Variants in ATP10A observed in about 807,000 individuals in gnomAD.
ATP10A encodes phospholipid-transporting ATPase VA.
ATP10A carries 111 observed loss-of-function variants against 147.8 expected under a neutral mutation model. The ratio of observed to expected loss-of-function variants is 0.75; its 90% CI spans 0.64 to 0.88. The LOEUF is 0.88. Ranked by LOEUF, ATP10A falls within the 40% of genes least tolerant of loss-of-function variation. ATP10A has a pLI of 0.00. For missense variants in ATP10A, 1,927 were observed against 1,959.0 expected (o/e 0.98, Z 0.31); for synonymous variants, 875 against 841.6 (o/e 1.04, Z -0.69).
chr15:25,820,086 AAAGG>A (rs1891817024), intron 1 of ATP10A, among the ~76,000 whole-genome samples: 1 of 152,174 alleles, frequency 6.6e-6, no homozygotes, highest in African/African-American at 2.4e-5. Flanking sequence ...AAACAGCACT[AAAGG>A]AAGGAATACA....
chr15:25,718,535 A>G, intron 7 of ATP10A, 136 bp from the exon 8 acceptor site: 1 of 852,214 alleles, frequency 1.2e-6, no homozygotes, highest in Non-Finnish European at 1.8e-6. Context: ...TTGCTCTCTA[A>G]TAGCAAGGCA....
downstream of ATP10A, among the ~76,000 whole-genome samples, chr15:25,675,736 C>T (rs60606735): frequency 0.21 from 32,067 of 152,120 alleles, 4,685 homozygotes; most frequent in African/African-American, 0.42. Flanking sequence ...GCTTGAGCCT[C>T]GGAGTTTGAG....
chr15:25,727,239 C>G lies in ATP10A; in HGVS notation c.768G>C (p.Gly256=). The G allele has an allele frequency of 6.2e-7, 1 of 1,614,078 alleles. No homozygotes were observed. Among genetic ancestry groups the G allele is most frequent in the South Asian group, 1.1e-5 (1 of 91,076 alleles). The change falls in exon 4 of 21, where the codon GGG becomes GGC. Residue 256 remains glycine (G), a synonymous_variant. Transcript: ENST00000555815. ...TCAGCAGCAGGTTTTCTTTATACAG[C>G]CCGGCCTTTTTCCCGTTGTCATGTA... is the stretch of plus-strand genomic sequence containing the variant. ...CIIHDNGKKA[G]LYKENLLLRG...
chr15:25,729,671 C>A (rs1265451594), intron 3 of ATP10A, among the ~76,000 whole-genome samples: 4 of 152,152 alleles, frequency 2.6e-5, no homozygotes, highest in African/African-American at 9.7e-5. Context: ...CCCCAGCCAC[C>A]CCCACACAGC....
intron 14 of ATP10A, among the ~76,000 whole-genome samples, chr15:25,692,889 C>T (rs545463984): frequency 3.9e-5 from 6 of 152,298 alleles, no homozygotes; most frequent in African/African-American, 1.4e-4. Context: ...CAGCCTCAAC[C>T]TCCTGGGCTC....
At position 25,845,876 on chromosome 15, in the gene ATP10A, GTT is replaced by G. The variant is rs1596992205; in HGVS notation, c.449+16770_449+16771del. On this transcript the variant is annotated intron_variant, in intron 1 of 20. Transcript: ENST00000555815. ...GTACCCCCATGTTCACAGCAGCACT[GTT>G]TACAACAGCCAAAAGGTGGAAGCGC... Among the ~76,000 whole-genome samples, 3 of 152,226 alleles carry G rather than the reference GTT, an allele frequency of 2.0e-5. No individual in the cohort carries two copies. The East Asian group carries it at 5.8e-4, about 29-fold the overall frequency.
chr15:25,849,330 C>G (rs1205213086), intron 1 of ATP10A, among the ~76,000 whole-genome samples: 7 of 152,164 alleles, frequency 4.6e-5, no homozygotes, highest in Admixed American at 6.5e-5. Flanking sequence ...CTGGGAGGGC[C>G]TGTCCCTCCG....
At chr15:25,683,681 C>T in intron 16 of ATP10A, 195 bp from the exon 17 acceptor site, 1 of 598,396 alleles carries the variant, frequency 1.7e-6, no homozygotes, top group East Asian at 2.8e-5. Context: ...TTTCCCTTCG[C>T]CCTCCTCACT....
At chr15:25,819,251 A>G (rs1320314789) in intron 1 of ATP10A, among the ~76,000 whole-genome samples, 1 of 152,208 alleles carries the variant, frequency 6.6e-6, no homozygotes, top group Non-Finnish European at 1.5e-5. Context: ...ACTCCATTAA[A>G]AAGTGGGCAA....
At chr15:25,723,738 T>C (rs980836710) in intron 6 of ATP10A, among the ~76,000 whole-genome samples, 153 bp downstream of exon 6, 2 of 152,078 alleles carry the variant, frequency 1.3e-5, no homozygotes, top group African/African-American at 4.8e-5. Context: ...CCATTGGTGA[T>C]TTAGGCTGAA....
At chr15:25,689,425 A>G (rs1899887674) in intron 15 of ATP10A, among the ~76,000 whole-genome samples, 1 of 152,174 alleles carries the variant, frequency 6.6e-6, no homozygotes, top group Non-Finnish European at 1.5e-5. Flanking sequence ...TGCCTGGGGC[A>G]GTCTCCCCAC....
intron 13 of ATP10A, among the ~76,000 whole-genome samples, chr15:25,695,689 C>T (rs957992314): frequency 6.6e-6 from 1 of 152,096 alleles, no homozygotes; most frequent in Non-Finnish European, 1.5e-5. Flanking sequence ...ACCCATGATA[C>T]AGTGCAGAGG....
chr15:25,805,279 C>T (rs6576460), intron 1 of ATP10A, among the ~76,000 whole-genome samples: 147,119 of 152,336 alleles, frequency 0.97, 71,296 homozygotes, highest in East Asian at 1. Context: ...CTCCAAGGGA[C>T]TGGAGCCACG....
intron 10 of ATP10A, among the ~76,000 whole-genome samples, chr15:25,712,392 C>G (rs1308632082): frequency 1.3e-5 from 2 of 152,204 alleles, no homozygotes; most frequent in African/African-American, 2.4e-5. Flanking sequence ...CAGGACTGGA[C>G]AGGCCTCGCC....
At chr15:25,684,275 T>A (rs1339517235) in intron 16 of ATP10A, among the ~76,000 whole-genome samples, 2 of 152,178 alleles carry the variant, frequency 1.3e-5, no homozygotes, top group Non-Finnish European at 2.9e-5. Flanking sequence ...CTGAGTGCAT[T>A]TATACGGTGG....
chr15:25,758,859 A>C (rs1416011235), intron 2 of ATP10A, among the ~76,000 whole-genome samples: 2 of 89,772 alleles, frequency 2.2e-5, no homozygotes, highest in African/African-American at 5.6e-5. Flanking sequence ...CACCTGCTCC[A>C]CCCTCATTCC....
chr15:25,812,197 T>C (rs1217220584), intron 1 of ATP10A, among the ~76,000 whole-genome samples: 4 of 152,232 alleles, frequency 2.6e-5, no homozygotes, highest in African/African-American at 7.2e-5. Context: ...ACAGTTTCCT[T>C]AGTTTCTGAC....
chr15:25,787,565 T>C (rs1254163921), intron 1 of ATP10A, among the ~76,000 whole-genome samples: 2 of 149,768 alleles, frequency 1.3e-5, no homozygotes, highest in Admixed American at 6.7e-5. Flanking sequence ...TAAGCCCTGA[T>C]TGCGCCACTG....
At chr15:25,705,484 A>G (rs1181881507) in intron 12 of ATP10A, among the ~76,000 whole-genome samples, 1 of 140,958 alleles carries the variant, frequency 7.1e-6, no homozygotes, top group African/African-American at 2.6e-5. Flanking sequence ...AATCACCTTC[A>G]TGAAAAGATT....
Sources: gnomAD v4.1 joint callset for allele counts (sites outside exome capture counted in the v4.1 genomes callset) on GRCh38, gnomAD v4.1.1 for gene constraint, MANE v1.5 for transcripts, NCBI Gene and HGNC (gene_info 2026-07-23, HGNC 2026-07-21) for gene names.